PCNX2: variants seen among roughly 807,000 people sequenced by gnomAD.
PCNX2 encodes the protein pecanex-like protein 2.
Under a neutral mutation model 223.8 loss-of-function variants are expected in PCNX2, and 168 were observed. The observed-to-expected ratio is 0.75, with a 90% CI of 0.66 to 0.85. The LOEUF (loss-of-function observed/expected upper bound fraction) is 0.85, where lower values mean the gene tolerates loss of function less well. Among genes scored for constraint, PCNX2 ranks in the 40% least tolerant of loss-of-function variants. The pLI is 0.00. For synonymous variants in PCNX2, 1,006 were observed against 1,052.6 expected, an observed-to-expected ratio of 0.96 and a Z score of 0.86; for missense variants, 2,507 against 2,675.5, an observed-to-expected ratio of 0.94 and a Z score of 1.39.
At chr1:233,233,434 G>C (rs1658191930) in intron 9 of PCNX2, among the ~76,000 whole-genome samples, 1 of 140,406 alleles carries the variant, frequency 7.1e-6, no homozygotes, top group African/African-American at 2.7e-5. Context: ...CTGTGTGTGT[G>C]TGTGTGTGTG....
chr1:233,147,574 T>G (rs1467978676), intron 19 of PCNX2, among the ~76,000 whole-genome samples: 2 of 146,790 alleles, frequency 1.4e-5, no homozygotes, highest in African/African-American at 5.4e-5. Flanking sequence ...TAGGTATAAC[T>G]TTTACTGAAA....
chr1:233,018,800 T>G (rs1670775289), intron 26 of PCNX2: 2 of 985,480 alleles, frequency 2.0e-6, no homozygotes, highest in African/African-American at 3.5e-5. Context: ...GGGCTCACAG[T>G]GTTTGATGCA....
At chr1:233,017,514 C>T (rs1443437291) in intron 26 of PCNX2, among the ~76,000 whole-genome samples, 3 of 152,158 alleles carry the variant, frequency 2.0e-5, no homozygotes, top group South Asian at 4.1e-4. Flanking sequence ...GACGGGGTTT[C>T]ACCATGTTAG....
At chr1:233,240,757 A>T (rs1658715180) in intron 8 of PCNX2, among the ~76,000 whole-genome samples, 1 of 152,198 alleles carries the variant, frequency 6.6e-6, no homozygotes, top group Non-Finnish European at 1.5e-5. Flanking sequence ...GGGCCAGAAG[A>T]GTGCACTTCT....
At chr1:233,134,831 A>G (rs1240456324) in intron 21 of PCNX2, 182 bp downstream of exon 21, 2 of 600,842 alleles carry the variant, frequency 3.3e-6, no homozygotes, top group Non-Finnish European at 5.8e-6. Flanking sequence ...ATAACATGGC[A>G]TACTTACATT....
At chr1:233,034,445 A>G (rs1483062782) in intron 25 of PCNX2, among the ~76,000 whole-genome samples, 1 of 152,196 alleles carries the variant, frequency 6.6e-6, no homozygotes, top group Non-Finnish European at 1.5e-5. Context: ...CAGCCTCCAG[A>G]ACTGTGAGAA....
rs963255386 is a variant in PCNX2 at position 233,294,035 on chromosome 1, T to C, written c.153+1291A>G. On this transcript the variant is annotated intron_variant, in intron 1 of 33. Transcript: ENST00000258229. ...TCCAAGCAGTTTCTGTATTTAATGCTTTTTATATATAATTTTGGTTAATTT... is the reference window on the plus strand; with the variant it reads ...TCCAAGCAGTTTCTGTATTTAATGCCTTTTATATATAATTTTGGTTAATTT... 4.1e-6 allele frequency: 4 copies of C among 967,650 alleles called. No individual in the cohort carries two copies. In the African/African-American group the frequency reaches 7.0e-5, roughly 17 times the overall value. 59.9% of individuals were successfully genotyped at this position (967,650 alleles called of 1,614,324 possible).
At chr1:233,151,440 G>A (rs754527332) in intron 19 of PCNX2, among the ~76,000 whole-genome samples, 30 of 152,146 alleles carry the variant, frequency 2.0e-4, no homozygotes, top group Non-Finnish European at 3.2e-4. Context: ...TAGGACCATT[G>A]TGCATATATT....
At chr1:233,066,686 G>T (rs142480110) in intron 23 of PCNX2, among the ~76,000 whole-genome samples, 1 of 152,280 alleles carries the variant, frequency 6.6e-6, no homozygotes, top group African/African-American at 2.4e-5. Flanking sequence ...AACCAAGCAC[G>T]GCCTGCTGGG....
the PCNX2 span, among the ~76,000 whole-genome samples, chr1:233,309,534 C>G: frequency 1.6e-5 from 2 of 127,122 alleles, no homozygotes; most frequent in Non-Finnish European, 3.3e-5. Context: ...GAGTGAGACT[C>G]CCTCAAAAAA....
intron 19 of PCNX2, among the ~76,000 whole-genome samples, chr1:233,150,072 A>G (rs1383885232): frequency 1.3e-5 from 2 of 152,244 alleles, no homozygotes; most frequent in Admixed American, 1.3e-4. Context: ...CCATCTCTCC[A>G]GAGGGCTGCA....
chr1:233,048,634 G>A (rs1030322532), intron 25 of PCNX2, among the ~76,000 whole-genome samples: 2 of 152,076 alleles, frequency 1.3e-5, no homozygotes, highest in African/African-American at 4.8e-5. Context: ...TAACCCCAAA[G>A]CTAGCAGAAG....
intron 20 of PCNX2, among the ~76,000 whole-genome samples, chr1:233,136,650 A>G (rs978672310): frequency 6.6e-6 from 1 of 152,178 alleles, no homozygotes; most frequent in African/African-American, 2.4e-5. Flanking sequence ...GCAAGGCTGA[A>G]CATTGCTCCA....
intron 21 of PCNX2, among the ~76,000 whole-genome samples, chr1:233,116,577 G>A (rs750137107): frequency 1.3e-5 from 2 of 151,986 alleles, no homozygotes; most frequent in Non-Finnish European, 1.5e-5. Context: ...AGTCTTAAGG[G>A]GAATAAGAAA....
At chr1:233,116,991 A>G (rs79144201) in intron 21 of PCNX2, among the ~76,000 whole-genome samples, 2,568 of 152,324 alleles carry the variant, frequency 0.017, 29 homozygotes, top group East Asian at 0.044. Context: ...GCAATAAGGG[A>G]ATACTATGAA....
intron 16 of PCNX2, among the ~76,000 whole-genome samples, chr1:233,178,561 CA>C (rs1679618226): frequency 6.6e-6 from 1 of 152,172 alleles, no homozygotes; most frequent in South Asian, 2.1e-4. Flanking sequence ...CACTTTGGTG[CA>C]AATTTCACTT....
In PCNX2 at chr1:233,263,150, T is replaced by C. The variant is rs1314775764; in HGVS notation, c.167A>G (p.Asn56Ser). ...PLALHLAFPP[N>S]AIIVFFYCSA... ...GCAGTAGAAAAATACAATGATCGCA[T>C]TTGGAGGAAAAGCCTGAAGAAAGGA... Residue 56 changes from asparagine (N) to serine (S), a missense_variant, in exon 2 of 34, where the codon AAT (asparagine) becomes AGT (serine). By Grantham distance (46) the Asn-to-Ser change is conservative. Coordinates refer to ENST00000258229, the MANE Select transcript of PCNX2 (RefSeq NM_014801.4). 1.9e-6 allele frequency: 3 copies of C among 1,607,616 alleles called. No individual in the cohort carries two copies. In the South Asian group the frequency reaches 3.3e-5, roughly 18 times the overall value.
In PCNX2 at chr1:233,197,624, T is replaced by G. The variant is rs1316607723; in HGVS notation, c.3066+1315A>C. Among the ~76,000 whole-genome samples the G allele has an allele frequency of 2.0e-5, 3 of 152,228 alleles. No individual in the cohort carries two copies. The East Asian group carries it at 5.8e-4, about 29-fold the overall frequency. On this transcript the variant is annotated intron_variant, in intron 15 of 33. Coordinates refer to ENST00000258229, the MANE Select transcript of PCNX2 (RefSeq NM_014801.4). ...TACAGAAACCTTCCTCCCAGGCCCC[T>G]CCCCTTTTTTTCTGAAAGAAAATAT...
intron 21 of PCNX2, among the ~76,000 whole-genome samples, chr1:233,110,234 A>G (rs527711196): frequency 1.3e-5 from 2 of 152,248 alleles, no homozygotes; most frequent in Admixed American, 6.5e-5. Flanking sequence ...AACTGCTGAA[A>G]ACAAACGACA....
Sources: gnomAD v4.1 joint callset for allele counts (sites outside exome capture counted in the v4.1 genomes callset) on GRCh38, gnomAD v4.1.1 for gene constraint, MANE v1.5 for transcripts, NCBI Gene and HGNC (gene_info 2026-07-23, HGNC 2026-07-21) for gene names.